The following CSMD1 variants were observed in gnomAD, a reference collection of about 807,000 sequenced individuals.
CSMD1 encodes the protein CUB and sushi domain-containing protein 1.
In CSMD1, 213 loss-of-function variants were observed where a neutral mutation model predicts 417.5. The observed-to-expected ratio is 0.51, with a 90% CI of 0.46 to 0.57. The LOEUF is 0.57. Among genes scored for constraint, CSMD1 ranks in the 20% least tolerant of loss-of-function variants. CSMD1 has a pLI of 0.00. For missense variants in CSMD1, 6,923 were observed against 4,529.7 expected (o/e 1.53, Z -15.17); for synonymous variants, 2,862 against 1,736.8 (o/e 1.65, Z -16.11).
chr8:4,107,465 G>T (rs1029110850), intron 3 of CSMD1, among the ~76,000 whole-genome samples: 2 of 152,176 alleles, frequency 1.3e-5, no homozygotes, highest in African/African-American at 4.8e-5. Flanking sequence ...ACTGGATAAT[G>T]ATTACAAGTG....
chr8:3,527,479 G>GAAA (rs1247183979), intron 10 of CSMD1, among the ~76,000 whole-genome samples: 1 of 152,088 alleles, frequency 6.6e-6, no homozygotes, highest in African/African-American at 2.4e-5. Context: ...ATGTCACTAT[G>GAAA]AAAAGGTTTC....
chr8:3,829,226 T>C (rs4449820), intron 5 of CSMD1, among the ~76,000 whole-genome samples: 9 of 151,922 alleles, frequency 5.9e-5, no homozygotes, highest in African/African-American at 1.7e-4. Context: ...ATCCTTCTTA[T>C]GCCTTTGCAT....
At chr8:4,437,557 A>G (rs1377452942) in intron 2 of CSMD1, among the ~76,000 whole-genome samples, 2 of 152,222 alleles carry the variant, frequency 1.3e-5, no homozygotes, top group Admixed American at 6.5e-5. Context: ...GTTTCTGCAG[A>G]TATCTTGAGC....
intron 26 of CSMD1, among the ~76,000 whole-genome samples, chr8:3,272,084 A>T (rs1398994950): frequency 2.0e-5 from 3 of 148,546 alleles, no homozygotes; most frequent in Non-Finnish European, 4.5e-5. Context: ...TAAGTCTTTA[A>T]TCCATCTTGA....
At chr8:4,552,744 G>C (rs1429845565) in intron 2 of CSMD1, among the ~76,000 whole-genome samples, 1 of 152,144 alleles carries the variant, frequency 6.6e-6, no homozygotes, top group Non-Finnish European at 1.5e-5. Flanking sequence ...AAACTAGATA[G>C]GCATCGTTTG....
At chr8:3,607,185 C>T (rs545934016) in intron 8 of CSMD1, among the ~76,000 whole-genome samples, 73 of 152,214 alleles carry the variant, frequency 4.8e-4, no homozygotes, top group South Asian at 8.3e-4. Context: ...CATGAACAAG[C>T]GCACTAGCCT....
intron 3 of CSMD1, among the ~76,000 whole-genome samples, chr8:4,154,748 A>G (rs924359323): frequency 6.6e-6 from 1 of 152,232 alleles, no homozygotes; most frequent in African/African-American, 2.4e-5. Flanking sequence ...AGTAAGGCTA[A>G]TATCCCCGTA....
At chr8:4,112,430 A>G (rs115436836) in intron 3 of CSMD1, among the ~76,000 whole-genome samples, 1,846 of 152,268 alleles carry the variant, frequency 0.012, 39 homozygotes, top group African/African-American at 0.042. Flanking sequence ...TTAATAAGTA[A>G]AAGAGGATGT....
chr8:3,231,638 G>A (rs10086630), intron 26 of CSMD1, among the ~76,000 whole-genome samples: 3 of 152,224 alleles, frequency 2.0e-5, no homozygotes, highest in South Asian at 2.1e-4. Flanking sequence ...CCTAATAGGG[G>A]TGGCAATGAA....
intron 1 of CSMD1, among the ~76,000 whole-genome samples, chr8:4,933,813 C>T (rs570108909): frequency 3.9e-5 from 6 of 151,964 alleles, no homozygotes; most frequent in South Asian, 4.2e-4. Flanking sequence ...GATGTGAGCC[C>T]GATACATTTA....
At chr8:3,923,192 A>G (rs1231635670) in intron 5 of CSMD1, among the ~76,000 whole-genome samples, 4 of 152,078 alleles carry the variant, frequency 2.6e-5, no homozygotes, top group African/African-American at 9.7e-5. Flanking sequence ...TGCACTAATG[A>G]GTGGCTGACT....
At chr8:4,323,996 C>A (rs879266850) in intron 3 of CSMD1, among the ~76,000 whole-genome samples, 1 of 152,160 alleles carries the variant, frequency 6.6e-6, no homozygotes, top group Non-Finnish European at 1.5e-5. Flanking sequence ...TCACTGTGAT[C>A]CTGGGAATGG....
chr8:4,713,742 G>A (rs896165586), intron 1 of CSMD1, among the ~76,000 whole-genome samples: 1 of 152,156 alleles, frequency 6.6e-6, no homozygotes, highest in African/African-American at 2.4e-5. Context: ...GGCCCCTGAG[G>A]CAACTCCACG....
intron 7 of CSMD1, among the ~76,000 whole-genome samples, chr8:3,627,807 T>C (rs908288076): frequency 6.6e-6 from 1 of 152,208 alleles, no homozygotes; most frequent in Non-Finnish European, 1.5e-5. Flanking sequence ...CTTGTTTATT[T>C]AGCTGATAAA....
At chr8:3,074,331 C>T (rs960331198) in intron 49 of CSMD1, among the ~76,000 whole-genome samples, 4 of 152,314 alleles carry the variant, frequency 2.6e-5, no homozygotes, top group South Asian at 2.1e-4. Flanking sequence ...CACATTCTCC[C>T]TTCCTGAAGT....
intron 5 of CSMD1, among the ~76,000 whole-genome samples, chr8:3,903,474 A>G (rs1443462378): frequency 6.6e-6 from 1 of 152,214 alleles, no homozygotes; most frequent in Non-Finnish European, 1.5e-5. Context: ...AGAAAGTCTA[A>G]AGTGGTATTA....
intron 2 of CSMD1, among the ~76,000 whole-genome samples, chr8:4,494,410 G>C (rs944934669): frequency 7.9e-5 from 12 of 152,110 alleles, no homozygotes; most frequent in African/African-American, 2.2e-4. Flanking sequence ...ATATTCACAA[G>C]TCAGTTTCCC....
intron 10 of CSMD1, among the ~76,000 whole-genome samples, chr8:3,497,804 C>G (rs1796429420): frequency 6.6e-6 from 1 of 152,152 alleles, no homozygotes. Context: ...CATTCTCATT[C>G]TCTTCTTGGT....
At chr8:3,933,519 C>A (rs1041159714) in intron 5 of CSMD1, among the ~76,000 whole-genome samples, 1 of 152,112 alleles carries the variant, frequency 6.6e-6, no homozygotes, top group South Asian at 2.1e-4. Flanking sequence ...AGACCACAGT[C>A]TGCAGGCCTT....
Sources: allele counts gnomAD v4.1 joint callset (sites outside exome capture counted in the v4.1 genomes callset), GRCh38; gene constraint gnomAD v4.1.1; transcripts MANE v1.5; gene names NCBI Gene and HGNC (gene_info 2026-07-23, HGNC 2026-07-21).